Variants in RSU1 observed in about 807,000 individuals in gnomAD.
RSU1 encodes the protein rsu-1.
In RSU1, 26 loss-of-function variants were observed where a neutral mutation model predicts 31.1. The observed-to-expected ratio is 0.84, with a 90% CI of 0.61 to 1.16. RSU1 has a LOEUF of 1.16. RSU1 is among the 50% of genes most tolerant of loss of function. The pLI is 0.00. For synonymous variants in RSU1, 164 were observed against 136.3 expected (o/e 1.20, Z -1.41); for missense variants, 320 against 339.1 (o/e 0.94, Z 0.44).
chr10:16,632,662 A>T (rs1834274106), intron 8 of RSU1, among the ~76,000 whole-genome samples: 1 of 152,068 alleles, frequency 6.6e-6, no homozygotes, highest in Non-Finnish European at 1.5e-5. Flanking sequence ...AGACAGGCCG[A>T]GTGTGGTGGC....
chr10:16,767,205 G>C (rs1444108472), intron 3 of RSU1: 1 of 152,108 alleles, frequency 6.6e-6, no homozygotes, highest in Non-Finnish European at 1.5e-5. Flanking sequence ...ACATTCATCT[G>C]ATTAGTTTGA....
At chr10:16,596,894 TG>T in intron 8 of RSU1, among the ~76,000 whole-genome samples, 1 of 152,296 alleles carries the variant, frequency 6.6e-6, no homozygotes, top group Middle Eastern at 3.4e-3. Flanking sequence ...GCCTAATTTT[TG>T]TATTTTTAGT....
intron 2 of RSU1, among the ~76,000 whole-genome samples, chr10:16,807,449 T>C (rs894543211): frequency 1.3e-5 from 2 of 152,212 alleles, no homozygotes; most frequent in African/African-American, 4.8e-5. Flanking sequence ...CCATACTTTG[T>C]AGTGTTTTAA....
chr10:16,709,334 T>C (rs945774343), intron 7 of RSU1, among the ~76,000 whole-genome samples: 2 of 152,238 alleles, frequency 1.3e-5, no homozygotes, highest in African/African-American at 4.8e-5. Flanking sequence ...CTCATCATTT[T>C]TTATGGCTGC....
At chr10:16,633,423 C>T (rs1326878656) in intron 8 of RSU1, among the ~76,000 whole-genome samples, 2 of 151,982 alleles carry the variant, frequency 1.3e-5, no homozygotes, top group African/African-American at 4.8e-5. Flanking sequence ...AAATAAAATG[C>T]TTATTGTGTC....
chr10:16,656,677 A>G (rs890211524), intron 8 of RSU1, among the ~76,000 whole-genome samples: 12 of 152,254 alleles, frequency 7.9e-5, no homozygotes, highest in Non-Finnish European at 1.6e-4. Flanking sequence ...TGGAATTAAC[A>G]GAGCTAAACT....
intron 3 of RSU1, among the ~76,000 whole-genome samples, chr10:16,772,641 G>GAAAAAAAAAA (rs60460081): frequency 2.2e-4 from 14 of 64,716 alleles, no homozygotes; most frequent in Non-Finnish European, 3.1e-4. Context: ...AGTAGAATAT[G>GAAAAAAAAAA]AAAAAAAAAA....
intron 7 of RSU1, among the ~76,000 whole-genome samples, chr10:16,715,603 A>G (rs1407758671): frequency 6.6e-6 from 1 of 152,238 alleles, no homozygotes; most frequent in Admixed American, 6.5e-5. Context: ...TTGTCAAAAA[A>G]TCACTTGACC....
intron 2 of RSU1, among the ~76,000 whole-genome samples, chr10:16,810,267 T>C (rs1838381985): frequency 6.6e-6 from 1 of 151,940 alleles, no homozygotes; most frequent in African/African-American, 2.4e-5. Context: ...AATTAAAAAA[T>C]TCAATGTAAA....
chr10:16,664,863 C>G (rs1332788540), intron 8 of RSU1, among the ~76,000 whole-genome samples: 1 of 152,176 alleles, frequency 6.6e-6, no homozygotes, highest in Admixed American at 6.5e-5. Flanking sequence ...TGAGGCATTC[C>G]ATGATATACT....
rs533151144 is a variant in RSU1 at position 16,635,819 on chromosome 10, G to A, written c.732-42323C>T. Among the ~76,000 whole-genome samples, 12 of 152,196 alleles carry A rather than the reference G, an allele frequency of 7.9e-5. No homozygotes were observed. In the East Asian group the frequency reaches 2.3e-3, roughly 29 times the overall value. ...ACGGGTAAGCTTCTAGCCCCATTTC[G>A]TCACCAAAGCCAGCTCCTGGCCTTG... On this transcript the variant is annotated intron_variant, in intron 8 of 8. Coordinates refer to ENST00000345264, the MANE Select transcript of RSU1 (RefSeq NM_012425.4).
In RSU1 at chr10:16,782,097, G is replaced by GAAA; in HGVS notation, c.110-16_110-14dup. ...TGGGATAAGGTAACTAAAAAGAAAA[G>GAAA]AAAAAAAAAAAGGTCAGTCAGTAAA... On this transcript the variant is annotated splice_polypyrimidine_tract_variant and intron_variant, in intron 2 of 8. Transcript: ENST00000345264. 1 of 1,243,214 alleles carries GAAA rather than the reference G, an allele frequency of 8.0e-7. No homozygotes were observed. The highest frequency in any genetic ancestry group is 1.6e-5 in the African/African-American group (1 of 62,692). The allele number at this position is 1,243,214 out of a possible 1,614,324, so 77.0% of individuals were successfully genotyped here.
chr10:16,787,110 G>C lies in RSU1; in HGVS notation c.110-5026C>G, dbSNP rs553793513. On this transcript the variant is annotated intron_variant, in intron 2 of 8. Transcript: ENST00000345264. ...CCTGACACCAAGATTCCTTGGACAC[G>C]TGTTGATGGTTCATAATCTGGAGAC... Among the ~76,000 whole-genome samples the C allele has an allele frequency of 6.6e-5, 10 of 152,258 alleles. No homozygotes were observed. The South Asian group carries it at 1.5e-3, about 22-fold the overall frequency.
chr10:16,674,593 A>G lies in RSU1; in HGVS notation c.731+20430T>C, dbSNP rs1168917691. The stretch of plus-strand genomic sequence containing the variant: ...TCTTGCAGGAGACTCCATTCTAAGC[A>G]TAAGAGAGACGATAAAATTGGAGGC... On this transcript the variant is annotated intron_variant, in intron 8 of 8. Coordinates refer to ENST00000345264, the MANE Select transcript of RSU1 (RefSeq NM_012425.4). Among the ~76,000 whole-genome samples the G allele has an allele frequency of 4.6e-5, 7 of 152,060 alleles. No homozygotes were observed. In the South Asian group the frequency reaches 1.2e-3, roughly 27 times the overall value.
At chr10:16,806,309 G>A (rs897184524) in intron 2 of RSU1, among the ~76,000 whole-genome samples, 18 of 152,172 alleles carry the variant, frequency 1.2e-4, no homozygotes, top group African/African-American at 3.1e-4. Flanking sequence ...TGAATTAGCC[G>A]TTATCTTCAT....
intron 8 of RSU1, among the ~76,000 whole-genome samples, chr10:16,605,954 A>G (rs926406090): frequency 3.3e-5 from 5 of 151,724 alleles, no homozygotes; most frequent in African/African-American, 1.2e-4. Context: ...ACATGCCACC[A>G]TGCCTAATTT....
Position 16,661,235 on chromosome 10 carries a change from T to G in RSU1, c.731+33788A>C, listed in dbSNP as rs557186426. Among the ~76,000 whole-genome samples, 45 of 152,080 alleles carry G rather than the reference T, an allele frequency of 3.0e-4. No homozygotes were observed. In the South Asian group the frequency reaches 8.9e-3, roughly 30 times the overall value. On this transcript the variant is annotated intron_variant, in intron 8 of 8. Transcript: ENST00000345264. ...ATTTTGGCTTATGTTATTCCCTGTTTGGTAATTTTTCATTGCTTCCCTGAG... is the reference window on the plus strand; with the variant it reads ...ATTTTGGCTTATGTTATTCCCTGTTGGGTAATTTTTCATTGCTTCCCTGAG...
rs1037536902 is a variant in RSU1 at position 16,601,336 on chromosome 10, A to T, written c.732-7840T>A. 9.2e-5 allele frequency among the ~76,000 whole-genome samples: 14 copies of T among 152,220 alleles called. 1 individual carries two copies. The highest frequency in any genetic ancestry group is 8.5e-4 in the Admixed American group (13 of 15,278). On this transcript the variant is annotated intron_variant, in intron 8 of 8. Coordinates refer to ENST00000345264, the MANE Select transcript of RSU1 (RefSeq NM_012425.4). ...ATAGGAATTTAGTTTCCTCTACAGTAGAAGTTCTTAGCCTAGGACCCTAGA... is the reference window on the plus strand; with the variant it reads ...ATAGGAATTTAGTTTCCTCTACAGTTGAAGTTCTTAGCCTAGGACCCTAGA...
intron 2 of RSU1, among the ~76,000 whole-genome samples, chr10:16,796,068 G>C (rs1348174288): frequency 6.6e-6 from 1 of 152,180 alleles, no homozygotes; most frequent in Admixed American, 6.5e-5. Context: ...AAAGCCACAT[G>C]ACTCTTGGAG....
Sources: allele counts gnomAD v4.1 joint callset (sites outside exome capture counted in the v4.1 genomes callset), GRCh38; gene constraint gnomAD v4.1.1; transcripts MANE v1.5; gene names NCBI Gene and HGNC (gene_info 2026-07-23, HGNC 2026-07-21).